CPQ: variants seen among roughly 807,000 people sequenced by gnomAD.
CPQ encodes Ser-Met dipeptidase.
CPQ carries 37 observed loss-of-function variants against 45.7 expected under a neutral mutation model. The ratio of observed to expected loss-of-function variants is 0.81; its 90% CI spans 0.62 to 1.07. CPQ has a LOEUF of 1.07. Among genes scored for constraint, CPQ ranks in the 50% least tolerant of loss-of-function variants. The pLI is 0.00. For missense variants in CPQ, 537 were observed against 572.9 expected (o/e 0.94, Z 0.64); for synonymous variants, 186 against 205.8 (o/e 0.90, Z 0.82).
chr8:97,076,179 C>T (rs1810842505), intron 7 of CPQ, among the ~76,000 whole-genome samples: 1 of 152,090 alleles, frequency 6.6e-6, no homozygotes, highest in Admixed American at 6.6e-5. Flanking sequence ...GCACACACCA[C>T]CATGCCAGGC....
At chr8:96,843,620 C>T (rs1586423171) in intron 3 of CPQ, among the ~76,000 whole-genome samples, 1 of 152,170 alleles carries the variant, frequency 6.6e-6, no homozygotes, top group African/African-American at 2.4e-5. Context: ...GTGTCTTACT[C>T]ATCTGGGTAT....
At chr8:97,102,006 A>G (rs1811321082) in intron 7 of CPQ, among the ~76,000 whole-genome samples, 1 of 149,886 alleles carries the variant, frequency 6.7e-6, no homozygotes, top group African/African-American at 2.5e-5. Flanking sequence ...GTTAAGTGCT[A>G]AAGAGAAAAG....
At chr8:96,937,401 C>A (rs188397448) in intron 4 of CPQ, among the ~76,000 whole-genome samples, 2 of 152,152 alleles carry the variant, frequency 1.3e-5, no homozygotes, top group East Asian at 3.9e-4. Flanking sequence ...GGTGGCCACC[C>A]CCAGCTTCAG....
chr8:96,998,083 G>A (rs1809206596), intron 5 of CPQ, among the ~76,000 whole-genome samples: 1 of 151,874 alleles, frequency 6.6e-6, no homozygotes, highest in Non-Finnish European at 1.5e-5. Flanking sequence ...GCAGCAACCT[G>A]AGTTGATAGC....
In CPQ at chr8:96,982,368, A is replaced by G. The variant is rs995087987; in HGVS notation, c.961+16322A>G. Among the ~76,000 whole-genome samples, 6 of 152,228 alleles carry G rather than the reference A, an allele frequency of 3.9e-5. No individual in the cohort carries two copies. The South Asian group carries it at 8.3e-4, about 21-fold the overall frequency. ...AGGTCTTTTATTTTTTTTCTTTGAT[A>G]TGGAGTCTTGTCTCCCAGGCTACAG... On this transcript the variant is annotated intron_variant, in intron 5 of 7. Transcript: ENST00000220763.
rs185789767 is a variant in CPQ, at chr8:97,108,360, G to T, written c.1256-34660G>T. On this transcript the variant is annotated intron_variant, in intron 7 of 7. Transcript: ENST00000220763. ...TACTGGCCTTTTGAATGTTTTTCTT[G>T]ATTTAGGAGTCTGGGGGTTCCCAAA... Among the ~76,000 whole-genome samples the T allele has an allele frequency of 1.6e-3, 250 of 152,216 alleles. 3 individuals are homozygous for T. Among genetic ancestry groups the T allele is most frequent in the Admixed American group, 0.013 (193 of 15,296 alleles).
At chr8:96,820,414 G>A (rs1586413555) in intron 2 of CPQ, among the ~76,000 whole-genome samples, 1 of 151,872 alleles carries the variant, frequency 6.6e-6, no homozygotes, top group African/African-American at 2.4e-5. Flanking sequence ...TTTTTTAAGT[G>A]TGTAGTTCAG....
At chr8:97,043,950 C>T (rs1810182782) in intron 6 of CPQ, among the ~76,000 whole-genome samples, 1 of 152,162 alleles carries the variant, frequency 6.6e-6, no homozygotes, top group African/African-American at 2.4e-5. Flanking sequence ...GTGAATTTGA[C>T]AATTATATGT....
At chr8:96,951,360 A>G (rs1437736121) in intron 4 of CPQ, among the ~76,000 whole-genome samples, 1 of 152,072 alleles carries the variant, frequency 6.6e-6, no homozygotes, top group Non-Finnish European at 1.5e-5. Flanking sequence ...CCTTTTAGGG[A>G]GAGAGCCAGT....
At chr8:97,069,651 ATTAAG>A (rs1228876255) in intron 7 of CPQ, among the ~76,000 whole-genome samples, 2 of 152,162 alleles carry the variant, frequency 1.3e-5, no homozygotes, top group South Asian at 2.1e-4. Flanking sequence ...CTAAATACTA[ATTAAG>A]TTATCATTTA....
At chr8:96,866,999 C>T (rs1044864723) in intron 3 of CPQ, among the ~76,000 whole-genome samples, 2 of 152,190 alleles carry the variant, frequency 1.3e-5, no homozygotes, top group African/African-American at 4.8e-5. Flanking sequence ...TTTACATCAA[C>T]TAAATACTGC....
intron 1 of CPQ, among the ~76,000 whole-genome samples, chr8:96,699,689 C>T (rs112427236): frequency 0.024 from 3,686 of 152,132 alleles, 164 homozygotes; most frequent in African/African-American, 0.084. Flanking sequence ...TGCTTCACTG[C>T]ATTCAAACAA....
chr8:96,966,800 A>G (rs180982519), intron 5 of CPQ, among the ~76,000 whole-genome samples: 3 of 152,364 alleles, frequency 2.0e-5, no homozygotes, highest in Non-Finnish European at 4.4e-5. Context: ...CACTTTTACC[A>G]TAATTACCAT....
At chr8:96,695,469 A>G (rs1809364504) in intron 1 of CPQ, among the ~76,000 whole-genome samples, 1 of 151,986 alleles carries the variant, frequency 6.6e-6, no homozygotes, top group Non-Finnish European at 1.5e-5. Flanking sequence ...GAGCTTCTGC[A>G]CAGCAAAAGA....
chr8:96,879,852 C>G lies in CPQ; in HGVS notation c.696C>G (p.Ala232=), dbSNP rs1321798090. The change falls in exon 4 of 8, where the codon GCC becomes GCG. Residue 232 remains alanine (A), a synonymous_variant. Transcript: ENST00000220763. Reference sequence around the variant, plus strand: ...ATGGCGTGCCCAAGATTCCAACAGCCTGTATTACGGTGGAAGATGCAGAAA... The same window carrying G: ...ATGGCGTGCCCAAGATTCCAACAGCGTGTATTACGGTGGAAGATGCAGAAA... ...YQDGVPKIPT[A]CITVEDAEMM... is the part of the protein sequence containing the mutation. The G allele has an allele frequency of 6.2e-7, 1 of 1,614,024 alleles. No individual in the cohort carries two copies. Among genetic ancestry groups the G allele is most frequent in the East Asian group, 2.2e-5 (1 of 44,862 alleles).
intron 1 of CPQ, among the ~76,000 whole-genome samples, chr8:96,667,792 AGT>A (rs1007951169): frequency 2.6e-5 from 4 of 152,076 alleles, no homozygotes; most frequent in Non-Finnish European, 5.9e-5. Flanking sequence ...TATCCTTCAA[AGT>A]GTGTCTGAAG....
intron 3 of CPQ, among the ~76,000 whole-genome samples, chr8:96,858,664 G>A (rs754046853): frequency 3.9e-5 from 6 of 152,126 alleles, no homozygotes; most frequent in Non-Finnish European, 7.3e-5. Context: ...ATCTTTTCCT[G>A]TGATGCAGAA....
chr8:97,028,944 A>G (rs893285947), intron 5 of CPQ, among the ~76,000 whole-genome samples: 1 of 152,206 alleles, frequency 6.6e-6, no homozygotes, highest in Non-Finnish European at 1.5e-5. Flanking sequence ...GCATCTAGCT[A>G]TGCTTGTATA....
chr8:96,843,586 T>C (rs1037624580), intron 3 of CPQ, among the ~76,000 whole-genome samples: 2 of 152,202 alleles, frequency 1.3e-5, no homozygotes, highest in African/African-American at 4.8e-5. Context: ...CCTTTTTGGA[T>C]TGGCAATTCT....
Sources: gnomAD v4.1 joint callset for allele counts (sites outside exome capture counted in the v4.1 genomes callset) on GRCh38, gnomAD v4.1.1 for gene constraint, MANE v1.5 for transcripts, NCBI Gene and HGNC (gene_info 2026-07-23, HGNC 2026-07-21) for gene names.